PRDM16: variants seen among roughly 807,000 people sequenced by gnomAD.
PRDM16 encodes PR/SET domain 16.
A neutral mutation model predicts 110.6 loss-of-function variants in PRDM16; 23 were observed. The observed-to-expected ratio is 0.21, with a 90% CI of 0.15 to 0.29. The LOEUF (loss-of-function observed/expected upper bound fraction) is 0.29. Ranked by LOEUF, PRDM16 falls within the 10% of genes least tolerant of loss-of-function variation. The pLI, the probability that PRDM16 is intolerant of heterozygous loss-of-function variation, is 1.00. For synonymous variants in PRDM16, 799 were observed against 781.8 expected (o/e 1.02, Z -0.37); for missense variants, 1,615 against 1,794.3 (o/e 0.90, Z 1.81).
At chr1:3,416,044 G>A (rs1009065152) in intron 10 of PRDM16, among the ~76,000 whole-genome samples, 20 of 152,308 alleles carry the variant, frequency 1.3e-4, no homozygotes, top group Admixed American at 2.0e-4. Context: ...TGCCTGCCTC[G>A]CAGGGGCGGG....
chr1:3,249,528 A>G (rs2100212994), intron 3 of PRDM16, among the ~76,000 whole-genome samples: 1 of 147,480 alleles, frequency 6.8e-6, no homozygotes, highest in South Asian at 2.2e-4. Flanking sequence ...TTACCTACCC[A>G]TGCACTTTAT....
rs1388383610 is a variant in PRDM16 at position 3,181,543 on chromosome 1, C to CTTACACGCAGTT, written c.38-4576_38-4575insGCAGTTTTACAC. Among the ~76,000 whole-genome samples the CTTACACGCAGTT allele has an allele frequency of 3.2e-4, 17 of 53,554 alleles. 6 individuals carry two copies. Among genetic ancestry groups the CTTACACGCAGTT allele is most frequent in the African/African-American group, 2.1e-3 (17 of 8,210 alleles). The allele number at this position is 53,554 out of a possible 152,430, so 35.1% of individuals were successfully genotyped here. Reference sequence around the variant, plus strand: ...TTACACAAGCGGTCTTACACACGGTCTTACACACGCAGTCTTACACACGCA... The same window carrying CTTACACGCAGTT: ...TTACACAAGCGGTCTTACACACGGTCTTACACGCAGTTTTACACACGCAGTCTTACACACGCA... On this transcript the variant is annotated intron_variant, in intron 1 of 16. Transcript: ENST00000270722.
intron 3 of PRDM16, among the ~76,000 whole-genome samples, chr1:3,383,078 C>T (rs973312727): frequency 2.0e-5 from 3 of 152,220 alleles, no homozygotes; most frequent in African/African-American, 7.2e-5. Context: ...ACAGAATTCA[C>T]GGCCAACCCT....
rs886166099 is a variant in PRDM16 at position 3,353,879 on chromosome 1, G to A, written c.439-31273G>A. 3.9e-5 allele frequency among the ~76,000 whole-genome samples: 6 copies of A among 152,066 alleles called. No individual in the cohort carries two copies. The highest frequency in any genetic ancestry group is 1.3e-4 in the Admixed American group (2 of 15,282). ...GCTGGGAGCAGCTTGGTAGACCTAG[G>A]GGGTCTTTCTAGAAGCCAAGGGGGC... On this transcript the variant is annotated intron_variant, in intron 3 of 16. Transcript: ENST00000270722. The surrounding 1 kb of genome is among the most constrained non-coding windows in gnomAD (Gnocchi z 5.4).
At chr1:3,286,295 G>C (rs554440869) in intron 3 of PRDM16, among the ~76,000 whole-genome samples, 5 of 152,200 alleles carry the variant, frequency 3.3e-5, no homozygotes, top group Admixed American at 6.5e-5. Context: ...CAGTGTTTGC[G>C]GACCAAGGGG....
At chr1:3,173,489 A>C (rs1644051677) in intron 1 of PRDM16, among the ~76,000 whole-genome samples, 1 of 152,222 alleles carries the variant, frequency 6.6e-6, no homozygotes, top group Non-Finnish European at 1.5e-5. Context: ...GAGCTGCCCG[A>C]CAGAGGCCTC....
At chr1:3,192,067 A>C (rs1486517186) in intron 2 of PRDM16, among the ~76,000 whole-genome samples, 3 of 152,118 alleles carry the variant, frequency 2.0e-5, no homozygotes, top group African/African-American at 7.2e-5. Context: ...CCCACACACA[A>C]ACCCCAGTCC....
Position 3,244,834 on chromosome 1 carries a change from A to G in PRDM16, c.438+697A>G, listed in dbSNP as rs1569914578. ...CTGGAAAGCAGCTCCGAAACCTAGAACCTGTTCAGCAGCCAGAACTCCTCT... is the reference window on the plus strand; with the variant it reads ...CTGGAAAGCAGCTCCGAAACCTAGAGCCTGTTCAGCAGCCAGAACTCCTCT... On this transcript the variant is annotated intron_variant, in intron 3 of 16. Transcript: ENST00000270722. This position sits in a 1 kb window ranked among gnomAD's most constrained non-coding sequence, Gnocchi z 4.1. Among the ~76,000 whole-genome samples, 1 of 152,090 alleles carries G rather than the reference A, an allele frequency of 6.6e-6. No homozygotes were observed. Among genetic ancestry groups the G allele is most frequent in the Non-Finnish European group, 1.5e-5 (1 of 68,008 alleles).
intron 3 of PRDM16, among the ~76,000 whole-genome samples, chr1:3,375,467 T>G (rs1397228703): frequency 6.6e-6 from 1 of 152,146 alleles, no homozygotes; most frequent in Non-Finnish European, 1.5e-5. Flanking sequence ...AGCCCATGGC[T>G]CACAAGCCAA....
intron 10 of PRDM16, among the ~76,000 whole-genome samples, chr1:3,415,196 G>A (rs916880980): frequency 1.3e-5 from 2 of 152,200 alleles, no homozygotes; most frequent in African/African-American, 4.8e-5. Flanking sequence ...AGGCCTGGAG[G>A]TGCTCCTGCC....
At chr1:3,070,399 G>A (rs1206748064) in intron 1 of PRDM16, among the ~76,000 whole-genome samples, 2 of 147,782 alleles carry the variant, frequency 1.4e-5, no homozygotes, top group East Asian at 2.0e-4. Context: ...CGGGCGGGCA[G>A]GTGAGGACAG....
At position 3,081,769 on chromosome 1, in the gene PRDM16, G is replaced by T. The variant is rs1373730034; in HGVS notation, c.37+12473G>T. On this transcript the variant is annotated intron_variant, in intron 1 of 16. Transcript: ENST00000270722. This position sits in a 1 kb window ranked among gnomAD's most constrained non-coding sequence, Gnocchi z 4.6. ...GGCACGTGGGAGGCCCCCATGGAAG[G>T]CCCGTGTTGGGGGACCTTCCATGGG... Among the ~76,000 whole-genome samples the T allele has an allele frequency of 1.3e-5, 2 of 152,068 alleles. No individual in the cohort carries two copies. The highest frequency in any genetic ancestry group is 1.5e-5 in the Non-Finnish European group (1 of 67,994).
chr1:3,118,204 C>T (rs575901117), intron 1 of PRDM16, among the ~76,000 whole-genome samples: 4 of 152,076 alleles, frequency 2.6e-5, no homozygotes, highest in African/African-American at 9.6e-5. Context: ...TGTACACACG[C>T]ACACACGCAC....
chr1:3,345,285 TA>T (rs1642339420), intron 3 of PRDM16, among the ~76,000 whole-genome samples: 2 of 152,218 alleles, frequency 1.3e-5, no homozygotes, highest in South Asian at 2.1e-4. Context: ...TGTTTTAAAT[TA>T]TTTTTTTCCA....
At position 3,277,426 on chromosome 1, in the gene PRDM16, C is replaced by T. The variant is rs538430490; in HGVS notation, c.438+33289C>T. ...CCAAGCCCAGGCCACCAGGGCCCTA[C>T]CCTGCCATGGGGCGCACTTGCTCAG... On this transcript the variant is annotated intron_variant, in intron 3 of 16. Transcript: ENST00000270722. 3.9e-5 allele frequency among the ~76,000 whole-genome samples: 6 copies of T among 152,380 alleles called. No individual in the cohort carries two copies. In the South Asian group the frequency reaches 1.2e-3, roughly 32 times the overall value.
chr1:3,184,349 G>A (rs1236101502), intron 1 of PRDM16, among the ~76,000 whole-genome samples: 14 of 151,946 alleles, frequency 9.2e-5, no homozygotes. Context: ...TAAAAGTTCT[G>A]GTCTCCTTAG....
chr1:3,406,851 C>T (rs1643571271), intron 8 of PRDM16, among the ~76,000 whole-genome samples: 1 of 152,186 alleles, frequency 6.6e-6, no homozygotes, highest in African/African-American at 2.4e-5. Flanking sequence ...AGTCAGAGGC[C>T]CCTGAAGGGT....
At chr1:3,328,545 C>T (rs1641971857) in intron 3 of PRDM16, among the ~76,000 whole-genome samples, 1 of 152,150 alleles carries the variant, frequency 6.6e-6, no homozygotes, top group Non-Finnish European at 1.5e-5. Flanking sequence ...GGCACGGGGC[C>T]CTGTGCTGCC....
rs182282525 is a variant in PRDM16 at position 3,078,118 on chromosome 1, G to A, written c.37+8822G>A. On this transcript the variant is annotated intron_variant, in intron 1 of 16. Coordinates refer to ENST00000270722, the MANE Select transcript of PRDM16 (RefSeq NM_022114.4). ...TATCAGAGGCCTCCTAGTTCTTGCA[G>A]GGGGCTGGGGGCTTCTGCAAGTTCC... Among the ~76,000 whole-genome samples, 190 of 152,306 alleles carry A rather than the reference G, an allele frequency of 1.2e-3. 1 individual carries two copies. The highest frequency in any genetic ancestry group is 2.4e-3 in the Non-Finnish European group (160 of 68,026).
Sources: gnomAD v4.1 joint callset for allele counts (sites outside exome capture counted in the v4.1 genomes callset) on GRCh38, gnomAD v4.1.1 for gene constraint, Gnocchi (gnomAD v3.1) non-coding constraint, MANE v1.5 for transcripts, NCBI Gene and HGNC (gene_info 2026-07-23, HGNC 2026-07-21) for gene names.